Variants in LRFN5 observed in about 807,000 individuals in gnomAD.
LRFN5 encodes the protein leucine rich repeat and fibronectin type III domain containing 5, also known as leucine-rich repeat and fibronectin type-III domain-containing protein 5.
A neutral mutation model predicts 45.6 loss-of-function variants in LRFN5; 24 were observed. The observed-to-expected ratio is 0.53, with a 90% CI of 0.38 to 0.74. The LOEUF is 0.74. LRFN5 is among the 30% of genes least tolerant of loss of function. The probability of loss-of-function intolerance (pLI) is 0.00; values close to 1 mark genes in which losing one functional copy is unlikely to be tolerated. For synonymous variants in LRFN5, 340 were observed against 313.8 expected, an observed-to-expected ratio of 1.08 and a Z score of -0.88; for missense variants, 776 against 861.5, an observed-to-expected ratio of 0.90 and a Z score of 1.24.
intron 2 of LRFN5, among the ~76,000 whole-genome samples, chr14:41,824,215 A>G (rs1216561100): frequency 6.6e-6 from 1 of 152,122 alleles, no homozygotes; most frequent in Non-Finnish European, 1.5e-5. Flanking sequence ...TGTTATGGTT[A>G]TTTAGAGGTG....
At chr14:41,676,053 A>G (rs1881614698) in intron 1 of LRFN5, among the ~76,000 whole-genome samples, 3 of 152,274 alleles carry the variant, frequency 2.0e-5, no homozygotes, top group African/African-American at 7.2e-5. Context: ...CCCTACATCC[A>G]GTCTGGGGCT....
At chr14:41,661,134 T>C (rs1880632666) in intron 1 of LRFN5, among the ~76,000 whole-genome samples, 2 of 151,646 alleles carry the variant, frequency 1.3e-5, no homozygotes, top group Admixed American at 6.6e-5. Context: ...CCTTTAGAGA[T>C]TAAAGAGATA....
chr14:41,636,878 G>T (rs1407812505), intron 1 of LRFN5, among the ~76,000 whole-genome samples: 1 of 152,158 alleles, frequency 6.6e-6, no homozygotes, highest in African/African-American at 2.4e-5. Context: ...GGCCCCACTT[G>T]CACCAGAGCT....
At chr14:41,774,870 C>T (rs1886220197) in intron 2 of LRFN5, among the ~76,000 whole-genome samples, 1 of 152,108 alleles carries the variant, frequency 6.6e-6, no homozygotes, top group African/African-American at 2.4e-5. Flanking sequence ...TAACCTCTTT[C>T]ATCACTCCTG....
intron 2 of LRFN5, among the ~76,000 whole-genome samples, chr14:41,782,695 A>G (rs746026858): frequency 3.9e-5 from 6 of 152,100 alleles, no homozygotes; most frequent in Non-Finnish European, 8.8e-5. Context: ...TTTGTTTAGC[A>G]TTTGCTCTAG....
intron 2 of LRFN5, among the ~76,000 whole-genome samples, chr14:41,838,018 G>T (rs1566475104): frequency 6.6e-6 from 1 of 152,116 alleles, no homozygotes; most frequent in Non-Finnish European, 1.5e-5. Flanking sequence ...ATCTAAAAAG[G>T]ATGTAGACCT....
intron 1 of LRFN5, among the ~76,000 whole-genome samples, chr14:41,626,232 T>C (rs1037046967): frequency 5.3e-5 from 8 of 152,136 alleles, no homozygotes; most frequent in Non-Finnish European, 1.0e-4. Flanking sequence ...AATATGAGTA[T>C]TTTAAAATTA....
intron 1 of LRFN5, among the ~76,000 whole-genome samples, chr14:41,614,390 T>A (rs1026656306): frequency 2.4e-4 from 36 of 152,228 alleles, no homozygotes; most frequent in Admixed American, 1.2e-3. Context: ...AGGAATTATG[T>A]TAGGATATTT....
chr14:41,831,666 C>T (rs1039914603), intron 2 of LRFN5, among the ~76,000 whole-genome samples: 5 of 152,240 alleles, frequency 3.3e-5, no homozygotes, highest in African/African-American at 1.2e-4. Flanking sequence ...TATATTATTA[C>T]ATTTTATACA....
intron 2 of LRFN5, among the ~76,000 whole-genome samples, chr14:41,767,595 T>G (rs1210610606): frequency 6.6e-6 from 1 of 152,120 alleles, no homozygotes; most frequent in Non-Finnish European, 1.5e-5. Flanking sequence ...ATGCCAGCCT[T>G]TAAATGTGCA....
chr14:41,687,898 A>G (rs1882192521), intron 1 of LRFN5, among the ~76,000 whole-genome samples: 1 of 152,214 alleles, frequency 6.6e-6, no homozygotes, highest in South Asian at 2.1e-4. Flanking sequence ...ACCTATGTAA[A>G]GAACCTGCAC....
At chr14:41,903,381 G>T (rs143659823) in intron 5 of LRFN5, among the ~76,000 whole-genome samples, 4 of 151,354 alleles carry the variant, frequency 2.6e-5, no homozygotes, top group African/African-American at 9.6e-5. Flanking sequence ...AGATGCAGTT[G>T]TTTTTTAATG....
chr14:41,754,041 G>A (rs1479056184), intron 1 of LRFN5, among the ~76,000 whole-genome samples: 1 of 152,088 alleles, frequency 6.6e-6, no homozygotes, highest in African/African-American at 2.4e-5. Flanking sequence ...TCTGTCTTTG[G>A]TTCTGTTTGT....
chr14:41,683,220 A>C (rs1881981172), intron 1 of LRFN5, among the ~76,000 whole-genome samples: 1 of 152,226 alleles, frequency 6.6e-6, no homozygotes, highest in Non-Finnish European at 1.5e-5. Flanking sequence ...GAAAAAATCC[A>C]TATGATCATT....
intron 1 of LRFN5, among the ~76,000 whole-genome samples, chr14:41,736,852 G>A (rs1594659854): frequency 6.6e-6 from 1 of 152,180 alleles, no homozygotes; most frequent in Middle Eastern, 3.4e-3. Flanking sequence ...AATTAAGGCA[G>A]TAATTAAAGC....
chr14:41,670,935 T>C (rs1881178335), intron 1 of LRFN5, among the ~76,000 whole-genome samples: 1 of 152,082 alleles, frequency 6.6e-6, no homozygotes, highest in East Asian at 1.9e-4. Flanking sequence ...GTAAAAACCT[T>C]GAACTGACTT....
chr14:41,804,790 GAATA>G (rs1464087209), intron 2 of LRFN5, among the ~76,000 whole-genome samples: 3 of 152,058 alleles, frequency 2.0e-5, no homozygotes, highest in Non-Finnish European at 2.9e-5. Flanking sequence ...TTTGTTAAAT[GAATA>G]AATAATTGAT....
At chr14:41,678,032 T>G (rs146596878) in intron 1 of LRFN5, among the ~76,000 whole-genome samples, 5 of 151,958 alleles carry the variant, frequency 3.3e-5, no homozygotes, top group Admixed American at 2.0e-4. Flanking sequence ...AAAAGAAAAC[T>G]TAAAAATTCA....
intron 2 of LRFN5, among the ~76,000 whole-genome samples, chr14:41,781,536 A>T (rs1886483928): frequency 6.7e-6 from 1 of 148,322 alleles, no homozygotes; most frequent in Admixed American, 6.8e-5. Context: ...GGGAAGAAGG[A>T]AGGAAGGAAG....
Sources: allele counts gnomAD v4.1 joint callset (sites outside exome capture counted in the v4.1 genomes callset), GRCh38; gene constraint gnomAD v4.1.1; transcripts MANE v1.5; gene names NCBI Gene and HGNC (gene_info 2026-07-23, HGNC 2026-07-21).